Variants in DLGAP1 observed in about 807,000 individuals in gnomAD.
The protein encoded by DLGAP1 is DLG associated protein 1, also known as disks large-associated protein 1.
DLGAP1 carries 11 observed loss-of-function variants against 90.8 expected under a neutral mutation model. The observed-to-expected ratio is 0.12, with a 90% CI of 0.08 to 0.20. DLGAP1 has a LOEUF of 0.20. DLGAP1 is among the 10% of genes least tolerant of loss of function. The pLI is 1.00. For missense variants in DLGAP1, 1,050 were observed against 1,333.8 expected (o/e 0.79, Z 3.31); for synonymous variants, 558 against 540.7 (o/e 1.03, Z -0.44).
chr18:3,935,152 A>G (rs1026971127), intron 3 of DLGAP1, among the ~76,000 whole-genome samples: 8 of 146,400 alleles, frequency 5.5e-5, no homozygotes, highest in African/African-American at 2.0e-4. Context: ...ACACACTTCC[A>G]TAGATACTAG....
intron 3 of DLGAP1, among the ~76,000 whole-genome samples, chr18:3,947,544 T>C (rs1190793064): frequency 6.6e-6 from 1 of 152,210 alleles, no homozygotes; most frequent in Non-Finnish European, 1.5e-5. Context: ...ACCAACTCTG[T>C]TCTAAACTAA....
At chr18:3,685,521 G>C (rs1227116945) in intron 7 of DLGAP1, among the ~76,000 whole-genome samples, 1 of 132,980 alleles carries the variant, frequency 7.5e-6, no homozygotes, top group Non-Finnish European at 1.5e-5. Flanking sequence ...CCGAGATTGC[G>C]CCACTGCACT....
intron 1 of DLGAP1, among the ~76,000 whole-genome samples, chr18:4,227,727 G>C (rs905291307): frequency 1.3e-5 from 2 of 150,920 alleles, no homozygotes; most frequent in Admixed American, 6.6e-5. Flanking sequence ...GTAACTATAA[G>C]CGCCTCCACC....
At chr18:4,311,818 C>T (rs2315484) in intron 1 of DLGAP1, among the ~76,000 whole-genome samples, 71,757 of 151,892 alleles carry the variant, frequency 0.47, 19,077 homozygotes, top group African/African-American at 0.72. Flanking sequence ...CGGGTTCAAG[C>T]AATTCTCCTG....
chr18:3,506,723 T>C (rs1482311695), intron 11 of DLGAP1, among the ~76,000 whole-genome samples: 1 of 152,284 alleles, frequency 6.6e-6, no homozygotes, highest in Middle Eastern at 3.4e-3. Flanking sequence ...GACTTCCTTA[T>C]GTACCTATTC....
chr18:4,388,018 G>C (rs1452544817), intron 1 of DLGAP1, among the ~76,000 whole-genome samples: 1 of 151,592 alleles, frequency 6.6e-6, no homozygotes, highest in African/African-American at 2.4e-5. Context: ...CCAAGCTCAG[G>C]AAATTGGACT....
chr18:3,976,541 A>G (rs1266975230), intron 3 of DLGAP1, among the ~76,000 whole-genome samples: 4 of 152,158 alleles, frequency 2.6e-5, no homozygotes, highest in Non-Finnish European at 5.9e-5. Flanking sequence ...TTTATATAGT[A>G]TTAATTTTCT....
intron 1 of DLGAP1, among the ~76,000 whole-genome samples, chr18:4,328,354 T>A (rs912791644): frequency 3.3e-5 from 5 of 151,980 alleles, no homozygotes; most frequent in South Asian, 2.1e-4. Flanking sequence ...TTGAAATGCA[T>A]CCATGTTGTT....
intron 2 of DLGAP1, among the ~76,000 whole-genome samples, chr18:4,030,097 A>T (rs555850185): frequency 1.4e-4 from 21 of 152,260 alleles, no homozygotes; most frequent in Non-Finnish European, 2.2e-4. Flanking sequence ...GATTCAAGCG[A>T]TTCTCCTGCC....
chr18:3,986,299 A>C (rs2073841575), intron 3 of DLGAP1: 1 of 152,258 alleles, frequency 6.6e-6, no homozygotes, highest in African/African-American at 2.4e-5. Flanking sequence ...ATGGAAACAC[A>C]GATCAACTTC....
intron 3 of DLGAP1, among the ~76,000 whole-genome samples, chr18:3,926,455 T>C (rs1240760392): frequency 4.2e-5 from 6 of 143,416 alleles, no homozygotes; most frequent in Non-Finnish European, 1.5e-5. Flanking sequence ...CATGCATGTA[T>C]GTATATATGT....
At chr18:3,514,055 G>A (rs1054705354) in intron 10 of DLGAP1, among the ~76,000 whole-genome samples, 1 of 151,864 alleles carries the variant, frequency 6.6e-6, no homozygotes, top group South Asian at 2.1e-4. Flanking sequence ...TATTTCAAGA[G>A]GAGTTAGGTC....
intron 1 of DLGAP1, among the ~76,000 whole-genome samples, chr18:4,324,948 A>G (rs1307019085): frequency 6.6e-6 from 1 of 152,196 alleles, no homozygotes. Flanking sequence ...CTCTTTGAAT[A>G]TTGGCACAAG....
intron 1 of DLGAP1, among the ~76,000 whole-genome samples, chr18:4,241,503 C>A (rs1423858042): frequency 6.6e-6 from 1 of 151,950 alleles, no homozygotes; most frequent in Admixed American, 6.6e-5. Flanking sequence ...ATGAACACAA[C>A]TCTTAGAAAA....
At chr18:3,521,759 G>T (rs1266777810) in intron 10 of DLGAP1, among the ~76,000 whole-genome samples, 1 of 152,152 alleles carries the variant, frequency 6.6e-6, no homozygotes, top group Non-Finnish European at 1.5e-5. Context: ...GGCCTAGACT[G>T]TGCCCATGTA....
At position 4,151,274 on chromosome 18, in the gene DLGAP1, G is replaced by A. The variant is rs2076671229; in HGVS notation, c.-253C>T. 6.6e-6 allele frequency: 1 copy of A among 152,058 alleles called. No individual in the cohort carries two copies. Among genetic ancestry groups the A allele is most frequent in the African/African-American group, 2.4e-5 (1 of 41,410 alleles). 9.4% of individuals were successfully genotyped at this position (152,058 alleles called of 1,614,324 possible). On this transcript the variant is annotated 5_prime_UTR_variant, in exon 2 of 13. Transcript: ENST00000315677. The stretch of plus-strand genomic sequence containing the variant: ...TAACCTGATGTCACTCTGGGTATCT[G>A]ATGTTCAACTGCTCTGAAACATAAC...
chr18:4,403,658 A>G (rs919147422), intron 1 of DLGAP1, among the ~76,000 whole-genome samples: 8 of 152,198 alleles, frequency 5.3e-5, no homozygotes, highest in African/African-American at 1.9e-4. Flanking sequence ...ACATTTTAAA[A>G]TGGAGAAATT....
chr18:4,002,682 C>T lies in DLGAP1; in HGVS notation c.-73+2434G>A, dbSNP rs60310371. On this transcript the variant is annotated intron_variant, in intron 3 of 12. Transcript: ENST00000315677. ...GTCAATAGTAGATTATTAGTAGTTTCGTTTCTGGAGAGTCAAAAATTAAAC... is the reference window on the plus strand; with the variant it reads ...GTCAATAGTAGATTATTAGTAGTTTTGTTTCTGGAGAGTCAAAAATTAAAC... Among the ~76,000 whole-genome samples, 45 of 152,084 alleles carry T rather than the reference C, an allele frequency of 3.0e-4. No individual in the cohort carries two copies. In the East Asian group the frequency reaches 7.7e-3, roughly 26 times the overall value.
In DLGAP1 at chr18:4,196,652, T is replaced by C. The variant is rs534878160; in HGVS notation, c.-266-45365A>G. ...CAGCACAAGAGACATGTGAGGACAC[T>C]CCCAGTGACAAAGCTACTTTGTGCG... On this transcript the variant is annotated intron_variant, in intron 1 of 12. Coordinates refer to ENST00000315677, the MANE Select transcript of DLGAP1 (RefSeq NM_004746.4). 2.0e-5 allele frequency among the ~76,000 whole-genome samples: 3 copies of C among 152,328 alleles called. No individual in the cohort carries two copies. The East Asian group carries it at 5.8e-4, about 29-fold the overall frequency.
Sources: gnomAD v4.1 joint callset for allele counts (sites outside exome capture counted in the v4.1 genomes callset) on GRCh38, gnomAD v4.1.1 for gene constraint, MANE v1.5 for transcripts, NCBI Gene and HGNC (gene_info 2026-07-23, HGNC 2026-07-21) for gene names.